PITPNM3: variants seen among roughly 807,000 people sequenced by gnomAD.
The protein encoded by PITPNM3 is membrane-associated phosphatidylinositol transfer protein 3.
A neutral mutation model predicts 102.0 loss-of-function variants in PITPNM3; 26 were observed. The ratio of observed to expected loss-of-function variants is 0.25; its 90% CI spans 0.19 to 0.35. PITPNM3 has a LOEUF of 0.35. Ranked by LOEUF, PITPNM3 falls within the 10% of genes least tolerant of loss-of-function variation. The pLI, the probability that PITPNM3 is intolerant of heterozygous loss-of-function variation, is 1.00. For synonymous variants in PITPNM3, 578 were observed against 558.6 expected, an observed-to-expected ratio of 1.03 and a Z score of -0.49; for missense variants, 1,083 against 1,346.1, an observed-to-expected ratio of 0.80 and a Z score of 3.06.
In PITPNM3 at chr17:6,458,526, G is replaced by A. The variant is rs1049015664; in HGVS notation, c.2491-804C>T. Among the ~76,000 whole-genome samples, 36 of 151,922 alleles carry A rather than the reference G, an allele frequency of 2.4e-4. No homozygotes were observed. The highest frequency in any genetic ancestry group is 3.9e-4 in the African/African-American group (16 of 41,310). On this transcript the variant is annotated intron_variant, in intron 18 of 19. Coordinates refer to ENST00000262483, the MANE Select transcript of PITPNM3 (RefSeq NM_031220.4). This position sits in a 1 kb window ranked among gnomAD's most constrained non-coding sequence, Gnocchi z 5.1. ...CTGGCAGCTTCGCACCTTCTTTCAC[G>A]TCAGTGGCCGTCACTTCCAGGACCA... is the stretch of plus-strand genomic sequence containing the variant.
At position 6,478,628 on chromosome 17, in the gene PITPNM3, A is replaced by G; in HGVS notation, c.696T>C (p.Ala232=). The change falls in exon 7 of 20, where the codon GCT becomes GCC. Residue 232 remains alanine, a synonymous_variant. Coordinates refer to ENST00000262483, the MANE Select transcript of PITPNM3 (RefSeq NM_031220.4). The surrounding 1 kb of genome is among the most constrained non-coding windows in gnomAD (Gnocchi z 4.4). ...LAISSPQYQD[A]VATVIERANQ... is the part of the protein sequence containing the mutation. Reference sequence around the variant, plus strand: ...TGGCTCGCTCGATGACGGTGGCGACAGCATCCTGGTACTGCGGGGAGGAGA... The same window carrying G: ...TGGCTCGCTCGATGACGGTGGCGACGGCATCCTGGTACTGCGGGGAGGAGA... 4 of 1,614,106 alleles carry G rather than the reference A, an allele frequency of 2.5e-6. No homozygotes were observed. Among genetic ancestry groups the G allele is most frequent in the Non-Finnish European group, 3.4e-6 (4 of 1,180,022 alleles).
At chr17:6,547,468 GT>G (rs1224826142) in intron 1 of PITPNM3, among the ~76,000 whole-genome samples, 4 of 152,114 alleles carry the variant, frequency 2.6e-5, no homozygotes, top group African/African-American at 9.7e-5. Context: ...CCAGACTCTT[GT>G]TCCATAAGGA....
In PITPNM3 at chr17:6,517,043, G is replaced by A. The variant is rs116665363; in HGVS notation, c.226+8313C>T. On this transcript the variant is annotated intron_variant, in intron 3 of 19. Transcript: ENST00000262483. The surrounding 1 kb of genome is among the most constrained non-coding windows in gnomAD (Gnocchi z 4.1). Reference sequence around the variant, plus strand: ...AGATAGTTGGGAACGTGATAATGGAGGCAGATAAGCTCACATTCAAATGAG... The same window carrying A: ...AGATAGTTGGGAACGTGATAATGGAAGCAGATAAGCTCACATTCAAATGAG... 2.6e-3 allele frequency among the ~76,000 whole-genome samples: 397 copies of A among 152,258 alleles called. 4 individuals are homozygous for A. The highest frequency in any genetic ancestry group is 8.9e-3 in the African/African-American group (369 of 41,530).
chr17:6,461,658 G>A, intron 17 of PITPNM3, 102 bp from the exon 18 acceptor site: 1 of 1,377,060 alleles, frequency 7.3e-7, no homozygotes, highest in Non-Finnish European at 1.0e-6. Flanking sequence ...ACGTCAGAGG[G>A]ACGAGTCTGA....
intron 16 of PITPNM3, 45 bp from the exon 17 acceptor site, chr17:6,463,926 C>T (rs749596486): frequency 9.9e-6 from 16 of 1,609,694 alleles, no homozygotes; most frequent in African/African-American, 6.7e-5. Flanking sequence ...CAGGGTCAGA[C>T]GTTAGCCGGA....
intron 4 of PITPNM3, 98 bp from the exon 5 acceptor site, chr17:6,484,390 T>C: frequency 8.1e-7 from 1 of 1,227,258 alleles, no homozygotes; most frequent in Non-Finnish European, 1.2e-6. Flanking sequence ...GACCTTGGCT[T>C]ACATCACAGG....
In PITPNM3 at chr17:6,457,494, A is replaced by C; in HGVS notation, c.2619+100T>G. The C allele has an allele frequency of 6.5e-7, 1 of 1,546,230 alleles. No homozygotes were observed. Among genetic ancestry groups the C allele is most frequent in the Non-Finnish European group, 8.8e-7 (1 of 1,132,694 alleles). Reference sequence around the variant, plus strand: ...AATAAATGAATGAGCAAATGGGGGAATGAACAAATGAATGAATGAATGAAT... The same window carrying C: ...AATAAATGAATGAGCAAATGGGGGACTGAACAAATGAATGAATGAATGAAT... On this transcript the variant is annotated intron_variant, in intron 19 of 19. Transcript: ENST00000262483. The surrounding 1 kb of genome is among the most constrained non-coding windows in gnomAD (Gnocchi z 4.7).
Position 6,457,868 on chromosome 17 carries a change from G to T in PITPNM3, c.2491-146C>A. ...AAGCCATGGGGCCACCCTGTGTCAG[G>T]AATGAACCCTCAGAGTGGCTGCCCC... is the stretch of plus-strand genomic sequence containing the variant. On this transcript the variant is annotated intron_variant, in intron 18 of 19. Transcript: ENST00000262483. The surrounding 1 kb of genome is among the most constrained non-coding windows in gnomAD (Gnocchi z 4.7). The T allele has an allele frequency of 8.1e-7, 1 of 1,229,442 alleles. No homozygotes were observed. Among genetic ancestry groups the T allele is most frequent in the Non-Finnish European group, 1.1e-6 (1 of 875,154 alleles). 76.2% of individuals were successfully genotyped at this position (1,229,442 alleles called of 1,614,324 possible). A position where few individuals can be genotyped will look rare whatever the true frequency, so the allele number is the denominator to read the frequency against.
At chr17:6,501,759 C>T (rs1907192395) in intron 4 of PITPNM3, among the ~76,000 whole-genome samples, 1 of 152,190 alleles carries the variant, frequency 6.6e-6, no homozygotes, top group Non-Finnish European at 1.5e-5. Context: ...CACCAGCCTT[C>T]CTATGGCCTG....
At chr17:6,507,931 G>A (rs1039637648) in intron 3 of PITPNM3, among the ~76,000 whole-genome samples, 1 of 151,978 alleles carries the variant, frequency 6.6e-6, no homozygotes, top group Non-Finnish European at 1.5e-5. Context: ...GTGGGGAGGT[G>A]GGAAAGTTGG....
At chr17:6,544,650 T>A (rs1452131400) in intron 1 of PITPNM3, among the ~76,000 whole-genome samples, 3 of 112,938 alleles carry the variant, frequency 2.7e-5, no homozygotes, top group South Asian at 6.0e-4. Flanking sequence ...TCTCTCTCTC[T>A]CTCTCACACA....
At chr17:6,543,179 C>A (rs79670311) in intron 1 of PITPNM3, among the ~76,000 whole-genome samples, 2,464 of 152,276 alleles carry the variant, frequency 0.016, 31 homozygotes, top group Non-Finnish European at 0.027. Context: ...CTGCTGGAAG[C>A]CATCCCCACT....
intron 4 of PITPNM3, among the ~76,000 whole-genome samples, chr17:6,488,560 G>A (rs1906234707): frequency 6.6e-6 from 1 of 152,174 alleles, no homozygotes; most frequent in African/African-American, 2.4e-5. Flanking sequence ...CACATCCTGT[G>A]AGACATCTCT....
intron 1 of PITPNM3, 78 bp from the exon 2 acceptor site, chr17:6,538,160 G>T: frequency 9.5e-7 from 1 of 1,048,924 alleles, no homozygotes; most frequent in African/African-American, 1.6e-5. Flanking sequence ...GACCCCCCTG[G>T]ACTAAAGGCC....
chr17:6,495,829 C>T (rs1389870766), intron 4 of PITPNM3, among the ~76,000 whole-genome samples: 1 of 152,110 alleles, frequency 6.6e-6, no homozygotes, highest in Non-Finnish European at 1.5e-5. Flanking sequence ...AAGTGGCTTA[C>T]AGAAAAACAA....
At chr17:6,474,663 G>A (rs1905222810) in intron 9 of PITPNM3, 59 bp from the exon 10 acceptor site, 3 of 1,518,216 alleles carry the variant, frequency 2.0e-6, no homozygotes, top group Non-Finnish European at 2.7e-6. Context: ...GAATGCGGGA[G>A]TGTTCACACA....
At chr17:6,539,820 G>A (rs553010023) in intron 1 of PITPNM3, among the ~76,000 whole-genome samples, 28 of 152,274 alleles carry the variant, frequency 1.8e-4, no homozygotes, top group African/African-American at 2.4e-4. Flanking sequence ...AGTCTTTTCC[G>A]TTCCTAAGAA....
Position 6,464,789 on chromosome 17 carries a change from A to C in PITPNM3, c.1891-18T>G, listed in dbSNP as rs1340392361. On this transcript the variant is annotated intron_variant, in intron 14 of 19. Coordinates refer to ENST00000262483, the MANE Select transcript of PITPNM3 (RefSeq NM_031220.4). ...GTGACATTCTGGAAGGACAGAAAGAAGCTGGCTCAGCCCTTGCAAGGGAGG... is the reference window on the plus strand; with the variant it reads ...GTGACATTCTGGAAGGACAGAAAGACGCTGGCTCAGCCCTTGCAAGGGAGG... 3 of 1,613,148 alleles carry C rather than the reference A, an allele frequency of 1.9e-6. No individual in the cohort carries two copies. The highest frequency in any genetic ancestry group is 2.5e-6 in the Non-Finnish European group (3 of 1,179,248).
intron 1 of PITPNM3, among the ~76,000 whole-genome samples, chr17:6,545,541 T>C (rs1418175936): frequency 1.3e-5 from 2 of 152,156 alleles, no homozygotes; most frequent in Admixed American, 1.3e-4. Flanking sequence ...TGCTCTCCCA[T>C]CCCAGCCTCT....
Sources: gnomAD v4.1 joint callset for allele counts (sites outside exome capture counted in the v4.1 genomes callset) on GRCh38, gnomAD v4.1.1 for gene constraint, Gnocchi (gnomAD v3.1) non-coding constraint, MANE v1.5 for transcripts, NCBI Gene and HGNC (gene_info 2026-07-23, HGNC 2026-07-21) for gene names.